The following PCBP3 variants were observed in gnomAD, a reference collection of about 807,000 sequenced individuals.
The protein encoded by PCBP3 is poly(rC) binding protein 3.
PCBP3 carries 25 observed loss-of-function variants against 52.7 expected under a neutral mutation model. The observed-to-expected ratio is 0.47, with a 90% CI of 0.35 to 0.66. PCBP3 has a LOEUF of 0.66. Ranked by LOEUF, PCBP3 falls within the 30% of genes least tolerant of loss-of-function variation. The probability of loss-of-function intolerance (pLI) is 0.01; values close to 1 mark genes in which losing one functional copy is unlikely to be tolerated. For synonymous variants in PCBP3, 162 were observed against 183.0 expected, an observed-to-expected ratio of 0.89 and a Z score of 0.93; for missense variants, 391 against 490.3, an observed-to-expected ratio of 0.80 and a Z score of 1.91.
Position 45,784,859 on chromosome 21 carries a change from T to G in PCBP3, c.-126+29407T>G, listed in dbSNP as rs890975421. ...GCCTTGGCCTCCCAAAGTGCCGAGA[T>G]TGCAGCCTCTGCCCGGCCGCCACCC... is the stretch of plus-strand genomic sequence containing the variant. On this transcript the variant is annotated intron_variant, in intron 4 of 17. Coordinates refer to ENST00000681687, the MANE Select transcript of PCBP3 (RefSeq NM_001384156.1). Among the ~76,000 whole-genome samples, 11 of 152,294 alleles carry G rather than the reference T, an allele frequency of 7.2e-5. No homozygotes were observed. The East Asian group carries it at 2.1e-3, about 30-fold the overall frequency.
intron 2 of PCBP3, among the ~76,000 whole-genome samples, chr21:45,690,119 A>G (rs1342368392): frequency 1.3e-5 from 2 of 152,192 alleles, no homozygotes; most frequent in East Asian, 3.8e-4. Flanking sequence ...GTAATAGCAT[A>G]TGATAGCATA....
intron 1 of PCBP3, among the ~76,000 whole-genome samples, chr21:45,658,980 A>G (rs534170845): frequency 6.9e-6 from 1 of 145,708 alleles, no homozygotes; most frequent in Admixed American, 6.8e-5. Flanking sequence ...TAGTCCTTTT[A>G]TTTCTGTAAG....
At chr21:45,796,925 T>C (rs2091947644) in intron 4 of PCBP3, among the ~76,000 whole-genome samples, 1 of 152,264 alleles carries the variant, frequency 6.6e-6, no homozygotes, top group Non-Finnish European at 1.5e-5. Flanking sequence ...CCTCTTGTGT[T>C]ATTTTTATAT....
intron 4 of PCBP3, among the ~76,000 whole-genome samples, chr21:45,826,644 A>T (rs1000513517): frequency 6.6e-6 from 1 of 152,188 alleles, no homozygotes; most frequent in Non-Finnish European, 1.5e-5. Context: ...GGGAAGAAGA[A>T]GGCCAGCCAG....
chr21:45,904,991 T>C lies in PCBP3; in HGVS notation c.339+3878T>C, dbSNP rs1267734453. On this transcript the variant is annotated intron_variant, in intron 9 of 17. Coordinates refer to ENST00000681687, the MANE Select transcript of PCBP3 (RefSeq NM_001384156.1). The surrounding 1 kb of genome is among the most constrained non-coding windows in gnomAD (Gnocchi z 4.8). Reference sequence around the variant, plus strand: ...ACAGCATGATGAGTAGTTTCATGGATTGACTTAGCGAATATCTGTTTGAAA... The same window carrying C: ...ACAGCATGATGAGTAGTTTCATGGACTGACTTAGCGAATATCTGTTTGAAA... Among the ~76,000 whole-genome samples, 4 of 152,232 alleles carry C rather than the reference T, an allele frequency of 2.6e-5. No individual in the cohort carries two copies. The highest frequency in any genetic ancestry group is 4.4e-5 in the Non-Finnish European group (3 of 68,034).
chr21:45,876,132 T>C (rs982635436), intron 5 of PCBP3, among the ~76,000 whole-genome samples: 2 of 152,184 alleles, frequency 1.3e-5, no homozygotes, highest in African/African-American at 4.8e-5. Context: ...AGGGCACCGA[T>C]GGAGCGGTCA....
intron 4 of PCBP3, among the ~76,000 whole-genome samples, chr21:45,781,505 G>A (rs911842355): frequency 6.6e-6 from 1 of 152,196 alleles, no homozygotes; most frequent in Non-Finnish European, 1.5e-5. Context: ...TATGGGCAAG[G>A]ATGGGAAGCA....
rs1040506337 is a variant in PCBP3 at position 45,837,596 on chromosome 21, C to T, written c.-125-12365C>T. Among the ~76,000 whole-genome samples, 5 of 152,186 alleles carry T rather than the reference C, an allele frequency of 3.3e-5. No individual in the cohort carries two copies. Among genetic ancestry groups the T allele is most frequent in the African/African-American group, 9.7e-5 (4 of 41,434 alleles). On this transcript the variant is annotated intron_variant, in intron 4 of 17. Transcript: ENST00000681687. The surrounding 1 kb of genome is among the most constrained non-coding windows in gnomAD (Gnocchi z 4.1). ...GGGTAGCGGCTGTGTGGAATGCCTGCGTTCTGGATTTGGCTGGCTGCCTCC... is the reference window on the plus strand; with the variant it reads ...GGGTAGCGGCTGTGTGGAATGCCTGTGTTCTGGATTTGGCTGGCTGCCTCC...
At position 45,657,598 on chromosome 21, in the gene PCBP3, G is replaced by T. The variant is rs552079109; in HGVS notation, c.-278-11276G>T. ...GGAAAGTGTGAGTCCTTCAACTTTG[G>T]TCTTTTTATTTATTTTGGTTATTCC... On this transcript the variant is annotated intron_variant, in intron 1 of 17. Transcript: ENST00000681687. Among the ~76,000 whole-genome samples the T allele has an allele frequency of 1.3e-4, 19 of 151,814 alleles. No individual in the cohort carries two copies. In the South Asian group the frequency reaches 1.9e-3, roughly 15 times the overall value.
At chr21:45,839,338 A>G (rs1021865105) in intron 4 of PCBP3, among the ~76,000 whole-genome samples, 1 of 152,166 alleles carries the variant, frequency 6.6e-6, no homozygotes, top group Non-Finnish European at 1.5e-5. Context: ...TAATGGTTAC[A>G]TATTATCCTG....
Position 45,826,506 on chromosome 21 carries a change from G to A in PCBP3, c.-125-23455G>A, listed in dbSNP as rs542604720. ...GGTGTGTGAAGTACTCTGTGGTGACGTGAAGCAGATGCGTGGCCTTCAGCT... is the reference window on the plus strand; with the variant it reads ...GGTGTGTGAAGTACTCTGTGGTGACATGAAGCAGATGCGTGGCCTTCAGCT... On this transcript the variant is annotated intron_variant, in intron 4 of 17. Coordinates refer to ENST00000681687, the MANE Select transcript of PCBP3 (RefSeq NM_001384156.1). Among the ~76,000 whole-genome samples, 102 of 152,322 alleles carry A rather than the reference G, an allele frequency of 6.7e-4. 1 individual carries two copies. The highest frequency in any genetic ancestry group is 6.8e-3 in the Middle Eastern group (2 of 294).
rs940164059 is a variant in PCBP3 at position 45,817,816 on chromosome 21, T to C, written c.-125-32145T>C. Among the ~76,000 whole-genome samples the C allele has an allele frequency of 1.3e-5, 2 of 152,252 alleles. No homozygotes were observed. The highest frequency in any genetic ancestry group is 2.9e-5 in the Non-Finnish European group (2 of 68,046). ...AATCCAAAACCTTGTGGTTTCCATT[T>C]TCAGTTGATGATATCCTTATGAACT... On this transcript the variant is annotated intron_variant, in intron 4 of 17. Coordinates refer to ENST00000681687, the MANE Select transcript of PCBP3 (RefSeq NM_001384156.1). The surrounding 1 kb of genome is among the most constrained non-coding windows in gnomAD (Gnocchi z 4.3).
intron 6 of PCBP3, among the ~76,000 whole-genome samples, chr21:45,898,834 G>A (rs1262260549): frequency 1.9e-4 from 22 of 113,376 alleles, no homozygotes; most frequent in African/African-American, 7.9e-4. Flanking sequence ...TCTGCACGCC[G>A]TCCTCACGGC....
chr21:45,709,346 T>G (rs1459822208), intron 2 of PCBP3, among the ~76,000 whole-genome samples: 2 of 152,196 alleles, frequency 1.3e-5, no homozygotes, highest in Non-Finnish European at 2.9e-5. Flanking sequence ...ACTCTATATC[T>G]TAGATACATG....
intron 13 of PCBP3, among the ~76,000 whole-genome samples, chr21:45,920,375 G>A (rs1173365748): frequency 2.6e-5 from 4 of 152,202 alleles, no homozygotes; most frequent in Non-Finnish European, 2.9e-5. Context: ...CTTTTACTTC[G>A]ATTGGTGGCT....
intron 2 of PCBP3, among the ~76,000 whole-genome samples, chr21:45,716,346 A>G (rs1458938129): frequency 2.6e-5 from 4 of 152,184 alleles, no homozygotes; most frequent in Admixed American, 2.6e-4. Flanking sequence ...GAATATATCT[A>G]CATCATTATA....
chr21:45,795,284 G>A (rs975852904), intron 4 of PCBP3, among the ~76,000 whole-genome samples: 7 of 151,300 alleles, frequency 4.6e-5, no homozygotes, highest in Admixed American at 1.3e-4. Context: ...TTTTGGAAGG[G>A]GACACAGAGG....
chr21:45,650,662 C>T (rs780777789), intron 1 of PCBP3, among the ~76,000 whole-genome samples: 1 of 151,980 alleles, frequency 6.6e-6, no homozygotes, highest in Non-Finnish European at 1.5e-5. Context: ...GCTATGTTGC[C>T]CAGGCTGGTC....
In PCBP3 at chr21:45,780,823, G is replaced by A. The variant is rs1037925904; in HGVS notation, c.-126+25371G>A. On this transcript the variant is annotated intron_variant, in intron 4 of 17. Transcript: ENST00000681687. The stretch of plus-strand genomic sequence containing the variant: ...GAGAGAGAGAGCCAGGGACCGATGC[G>A]CCAACACTTTTATTGGAGTCTAGGG... Among the ~76,000 whole-genome samples the A allele has an allele frequency of 3.2e-4, 49 of 152,134 alleles. 1 individual carries two copies. The highest frequency in any genetic ancestry group is 4.1e-4 in the South Asian group (2 of 4,822).
Sources: gnomAD v4.1 joint callset for allele counts (sites outside exome capture counted in the v4.1 genomes callset) on GRCh38, gnomAD v4.1.1 for gene constraint, Gnocchi (gnomAD v3.1) non-coding constraint, MANE v1.5 for transcripts, NCBI Gene and HGNC (gene_info 2026-07-23, HGNC 2026-07-21) for gene names.